Variants in MTMR10 observed in about 807,000 individuals in gnomAD.
MTMR10 encodes myotubularin related protein 10.
A neutral mutation model predicts 88.1 loss-of-function variants in MTMR10; 56 were observed. The observed-to-expected ratio is 0.64, with a 90% CI of 0.51 to 0.79. MTMR10 has a LOEUF of 0.79. MTMR10 is among the 30% of genes least tolerant of loss of function. The pLI is 0.00. For synonymous variants in MTMR10, 380 were observed against 340.9 expected, an observed-to-expected ratio of 1.11 and a Z score of -1.26; for missense variants, 883 against 924.7, an observed-to-expected ratio of 0.95 and a Z score of 0.58.
chr15:30,936,985 TTG>T, downstream of MTMR10: 3 of 715,904 alleles, frequency 4.2e-6, no homozygotes, highest in Non-Finnish European at 7.0e-6. Flanking sequence ...ATCCGTATAT[TTG>T]TGTTACACTT....
downstream of MTMR10, among the ~76,000 whole-genome samples, chr15:30,934,643 T>C (rs1199710823): frequency 1.3e-5 from 2 of 152,206 alleles, no homozygotes. Flanking sequence ...GGTCTCTTAG[T>C]GTTGGGATTG....
chr15:30,933,802 G>A, the MTMR10 span, among the ~76,000 whole-genome samples: 1 of 151,210 alleles, frequency 6.6e-6, no homozygotes, highest in African/African-American at 2.4e-5. Context: ...CTATCACCTA[G>A]GCTGGAGTGT....
chr15:30,978,197 C>T lies in MTMR10; in HGVS notation c.122-1242G>A, dbSNP rs189458688. ...TCCTATCTAGTTTACATTCACATAT[C>T]GAAGCATTGTATTTCCAGCACTCAT... On this transcript the variant is annotated intron_variant, in intron 2 of 15. Transcript: ENST00000435680. Among the ~76,000 whole-genome samples the T allele has an allele frequency of 1.3e-4, 20 of 152,284 alleles. No homozygotes were observed. The East Asian group carries it at 3.3e-3, about 25-fold the overall frequency.
At chr15:30,932,494 A>G in the MTMR10 span, among the ~76,000 whole-genome samples, 1 of 152,130 alleles carries the variant, frequency 6.6e-6, no homozygotes, top group Non-Finnish European at 1.5e-5. Flanking sequence ...AATTAGTATT[A>G]TTCCCTAAAC....
In MTMR10 at chr15:30,939,955, C is replaced by G; in HGVS notation, c.*1515G>C. ...AAGATATTTTTTAAGAACTCCTGTCCTGTTATATCCAGAGACATTATCAAA... is the reference window on the plus strand; with the variant it reads ...AAGATATTTTTTAAGAACTCCTGTCGTGTTATATCCAGAGACATTATCAAA... On this transcript the variant is annotated 3_prime_UTR_variant, in exon 16 of 16. Coordinates refer to ENST00000435680, the MANE Select transcript of MTMR10 (RefSeq NM_017762.3). 7.1e-6 allele frequency: 7 copies of G among 983,810 alleles called. No individual in the cohort carries two copies. The highest frequency in any genetic ancestry group is 8.4e-6 in the Non-Finnish European group (7 of 828,478). 60.9% of individuals were successfully genotyped at this position (983,810 alleles called of 1,614,324 possible). A position where few individuals can be genotyped will look rare whatever the true frequency, so the allele number is the denominator to read the frequency against.
At chr15:30,923,075 G>A in the MTMR10 span, among the ~76,000 whole-genome samples, 1 of 152,200 alleles carries the variant, frequency 6.6e-6, no homozygotes, top group African/African-American at 2.4e-5. Flanking sequence ...GTGCCTCTGG[G>A]AGCTTTTGAT....
At chr15:30,953,245 G>A (rs905562222) in intron 11 of MTMR10, among the ~76,000 whole-genome samples, 4 of 152,322 alleles carry the variant, frequency 2.6e-5, no homozygotes, top group African/African-American at 9.6e-5. Flanking sequence ...TAGCACAGGG[G>A]AGCCTTGTCA....
chr15:30,953,694 A>AAGAGAT, intron 10 of MTMR10, 63 bp from the exon 11 acceptor site: 1 of 1,052,286 alleles, frequency 9.5e-7, no homozygotes, highest in Non-Finnish European at 1.4e-6. Context: ...TATCAGAGTA[A>AAGAGAT]AGAGATACAT....
intron 15 of MTMR10, 184 bp downstream of exon 15, chr15:30,942,706 G>T: frequency 1.7e-6 from 1 of 587,694 alleles, no homozygotes; most frequent in Non-Finnish European, 2.8e-6. Flanking sequence ...AGACTTTGTG[G>T]GCCTCAGACA....
chr15:30,938,427 C>T (rs113359789), downstream of MTMR10, among the ~76,000 whole-genome samples: 2,340 of 152,192 alleles, frequency 0.015, 54 homozygotes, highest in African/African-American at 0.053. Context: ...TGATTGGGCC[C>T]GGATCATGAA....
intron 2 of MTMR10, among the ~76,000 whole-genome samples, chr15:30,979,828 T>G (rs2030436145): frequency 1.3e-5 from 2 of 152,214 alleles, no homozygotes; most frequent in Admixed American, 1.3e-4. Flanking sequence ...GAGGAGAATA[T>G]ACTTAATGGG....
downstream of MTMR10, chr15:30,938,860 G>C (rs1057374541): frequency 6.1e-5 from 58 of 952,060 alleles, no homozygotes; most frequent in Non-Finnish European, 6.9e-5. Flanking sequence ...GGATGACACA[G>C]AAGTATGGGT....
intron 9 of MTMR10, 127 bp downstream of exon 9, chr15:30,958,736 T>C: frequency 1.1e-6 from 1 of 905,700 alleles, no homozygotes; most frequent in Non-Finnish European, 1.7e-6. Context: ...TGGCAATTCT[T>C]ATATAAAACA....
chr15:30,929,591 TTA>T, the MTMR10 span, among the ~76,000 whole-genome samples: 2 of 130,954 alleles, frequency 1.5e-5, no homozygotes, highest in Non-Finnish European at 3.1e-5. Flanking sequence ...ATATTATATA[TTA>T]TATATTACAT....
intron 5 of MTMR10, among the ~76,000 whole-genome samples, chr15:30,970,288 C>T (rs1237446625): frequency 6.6e-6 from 1 of 151,642 alleles, no homozygotes; most frequent in African/African-American, 2.4e-5. Flanking sequence ...AGACACTAAA[C>T]AAGATAAAGA....
intron 12 of MTMR10, among the ~76,000 whole-genome samples, 176 bp downstream of exon 12, chr15:30,951,792 C>T (rs529640926): frequency 6.6e-6 from 1 of 152,310 alleles, no homozygotes. Flanking sequence ...AGCCACTGCG[C>T]CCAGCCTGTG....
chr15:30,925,937 A>G, the MTMR10 span: 1 of 1,614,060 alleles, frequency 6.2e-7, no homozygotes, highest in Non-Finnish European at 8.5e-7. Flanking sequence ...GGTTTTGACC[A>G]GGGTAACTGA....
chr15:30,984,178 T>C (rs1350355032), intron 2 of MTMR10, among the ~76,000 whole-genome samples: 1 of 152,240 alleles, frequency 6.6e-6, no homozygotes, highest in Non-Finnish European at 1.5e-5. Flanking sequence ...AATTTGGATT[T>C]TATCCTGCTT....
chr15:30,988,353 C>G (rs1278296678), intron 2 of MTMR10, among the ~76,000 whole-genome samples: 1 of 152,126 alleles, frequency 6.6e-6, no homozygotes, highest in Non-Finnish European at 1.5e-5. Flanking sequence ...AAACAGAATG[C>G]TGGGTGATAG....
Sources: allele counts gnomAD v4.1 joint callset (sites outside exome capture counted in the v4.1 genomes callset), GRCh38; gene constraint gnomAD v4.1.1; transcripts MANE v1.5; gene names NCBI Gene and HGNC (gene_info 2026-07-23, HGNC 2026-07-21).